The following SPATA18 variants were observed in gnomAD, a reference collection of about 807,000 sequenced individuals.
SPATA18 encodes the protein mitochondria-eating protein.
Under a neutral mutation model 68.1 loss-of-function variants are expected in SPATA18, and 54 were observed. That is an observed-to-expected ratio of 0.79 (90% confidence interval 0.64 to 0.99). SPATA18 has a LOEUF of 0.99. Ranked by LOEUF, SPATA18 falls within the 50% of genes least tolerant of loss-of-function variation. SPATA18 has a pLI of 0.00. For missense variants in SPATA18, 724 were observed against 681.1 expected, an observed-to-expected ratio of 1.06 and a Z score of -0.70; for synonymous variants, 242 against 244.8, an observed-to-expected ratio of 0.99 and a Z score of 0.11.
chr4:52,071,003 A>G (rs541657198), intron 5 of SPATA18, among the ~76,000 whole-genome samples: 2 of 151,654 alleles, frequency 1.3e-5, no homozygotes, highest in African/African-American at 4.8e-5. Flanking sequence ...ACACTGTTCT[A>G]TTTTCTACTT....
In SPATA18 at chr4:52,069,894, GAAAT is replaced by G; in HGVS notation, c.501_504del (p.Asn168SerfsTer2). On this transcript the variant is annotated frameshift_variant, in exon 5 of 13. Transcript: ENST00000295213. LOFTEE classifies it high-confidence loss of function. ...CATATCCCTTTTGGCTGCAGAGGAG[GAAAT>G]AAATCAGCTGAAAAAGCAGTAAGAA... 1.3e-6 allele frequency: 2 copies of G among 1,588,732 alleles called. No individual in the cohort carries two copies. Among genetic ancestry groups the G allele is most frequent in the Non-Finnish European group, 1.7e-6 (2 of 1,164,616 alleles).
At chr4:52,090,910 C>A (rs1470078974) in intron 11 of SPATA18, among the ~76,000 whole-genome samples, 2 of 152,102 alleles carry the variant, frequency 1.3e-5, no homozygotes, top group Non-Finnish European at 2.9e-5. Flanking sequence ...CTCCCCATCA[C>A]TTTCAAGTAC....
chr4:52,081,379 C>G (rs1300087422), intron 9 of SPATA18, among the ~76,000 whole-genome samples: 1 of 152,120 alleles, frequency 6.6e-6, no homozygotes, highest in Non-Finnish European at 1.5e-5. Flanking sequence ...CCTTTTTCAC[C>G]CTGGCAGCCT....
chr4:52,096,554 C>T lies in SPATA18; in HGVS notation c.*1667C>T, dbSNP rs2109557933. Reference sequence around the variant, plus strand: ...TAATATAAAGCAGAAAAAAAGGCAACTTTTAATAAAATAAAATGTATTTCA... The same window carrying T: ...TAATATAAAGCAGAAAAAAAGGCAATTTTTAATAAAATAAAATGTATTTCA... On this transcript the variant is annotated 3_prime_UTR_variant, in exon 13 of 13. Transcript: ENST00000295213. The T allele has an allele frequency of 6.6e-6, 1 of 152,146 alleles. No homozygotes were observed. The highest frequency in any genetic ancestry group is 1.5e-5 in the Non-Finnish European group (1 of 67,980). 9.4% of individuals were successfully genotyped at this position (152,146 alleles called of 1,614,324 possible). A position where few individuals can be genotyped will look rare whatever the true frequency, so the allele number is the denominator to read the frequency against.
chr4:52,066,787 A>G (rs1739354417), intron 4 of SPATA18, among the ~76,000 whole-genome samples: 1 of 152,148 alleles, frequency 6.6e-6, no homozygotes, highest in Non-Finnish European at 1.5e-5. Context: ...AGTTTGCTGA[A>G]GATAATGGCT....
In SPATA18 at chr4:52,094,410, T is replaced by C; in HGVS notation, c.1564-117T>C. On this transcript the variant is annotated intron_variant, in intron 11 of 12. Coordinates refer to ENST00000295213, the MANE Select transcript of SPATA18 (RefSeq NM_145263.4). The stretch of plus-strand genomic sequence containing the variant: ...ACCTTAGGGTGAAAAATCATAGTGC[T>C]AAAGTGCCTCAGAGAAAGCTATTTG... The C allele has an allele frequency of 3.5e-6, 3 of 860,958 alleles. No individual in the cohort carries two copies. The South Asian group carries it at 4.4e-5, about 13-fold the overall frequency. 53.3% of individuals were successfully genotyped at this position (860,958 alleles called of 1,614,324 possible).
In SPATA18 at chr4:52,096,265, A is replaced by G. The variant is rs1395302482; in HGVS notation, c.*1378A>G. ...TGAAGCAATGCAGTGTGCTGGAAGGAGCACTATCTGCCTAGGTAACTGCTA... is the reference window on the plus strand; with the variant it reads ...TGAAGCAATGCAGTGTGCTGGAAGGGGCACTATCTGCCTAGGTAACTGCTA... On this transcript the variant is annotated 3_prime_UTR_variant, in exon 13 of 13. Coordinates refer to ENST00000295213, the MANE Select transcript of SPATA18 (RefSeq NM_145263.4). 6.6e-6 allele frequency: 1 copy of G among 152,060 alleles called. No individual in the cohort carries two copies. Among genetic ancestry groups the G allele is most frequent in the Non-Finnish European group, 1.5e-5 (1 of 68,020 alleles). 9.4% of individuals were successfully genotyped at this position (152,060 alleles called of 1,614,324 possible).
Position 52,095,878 on chromosome 4 carries a change from C to A in SPATA18, c.*991C>A, listed in dbSNP as rs538906586. On this transcript the variant is annotated 3_prime_UTR_variant, in exon 13 of 13. Coordinates refer to ENST00000295213, the MANE Select transcript of SPATA18 (RefSeq NM_145263.4). The stretch of plus-strand genomic sequence containing the variant: ...TCACTGTCAAATACTTTTGAAACTT[C>A]ACGTTCAAGATAAGAATGGAATGTT... 1 of 152,286 alleles carries A rather than the reference C, an allele frequency of 6.6e-6. No individual in the cohort carries two copies. The highest frequency in any genetic ancestry group is 6.5e-5 in the Admixed American group (1 of 15,280). 9.4% of individuals were successfully genotyped at this position (152,286 alleles called of 1,614,324 possible).
intron 2 of SPATA18, 29 bp downstream of exon 2, chr4:52,060,553 G>C: frequency 6.3e-7 from 1 of 1,593,730 alleles, no homozygotes; most frequent in Non-Finnish European, 8.6e-7. Flanking sequence ...TTCCCATCCA[G>C]TTCTGCTTGC....
rs1432869402 is a variant in SPATA18 at position 52,060,887 on chromosome 4, CCT to C, written c.304_305del (p.Leu102AlafsTer5). On this transcript the variant is annotated frameshift_variant, in exon 3 of 13. Transcript: ENST00000295213. LOFTEE classifies it high-confidence loss of function. ...GGAAAATCTGTTGACAGCAAGGTCC[CCT>C]CTCTGCAGGTAGGGATGCTGAAGGA... 6.2e-7 allele frequency: 1 copy of C among 1,613,602 alleles called. No homozygotes were observed. The highest frequency in any genetic ancestry group is 8.5e-7 in the Non-Finnish European group (1 of 1,179,670).
Position 52,060,500 on chromosome 4 carries a change from A to T in SPATA18, c.169A>T (p.Ile57Phe), listed in dbSNP as rs146015590. The T allele has an allele frequency of 7.3e-3, 11,850 of 1,613,932 alleles. 56 individuals are homozygous for T. The highest frequency in any genetic ancestry group is 9.1e-3 in the Non-Finnish European group (10,791 of 1,179,902). ...CAAGGTGCAGGGACAACTCTTTGGG[A>T]TCCTCACAGCAGCAGCCCAAGAAGG... ...VAKVQGQLFG[I>F]LTAAAQEGGR... is the part of the protein sequence containing the mutation. Residue 57 changes from isoleucine (I) to phenylalanine (F), a missense_variant, in exon 2 of 13, where the codon ATC (isoleucine) becomes TTC (phenylalanine). Coordinates refer to ENST00000295213, the MANE Select transcript of SPATA18 (RefSeq NM_145263.4).
intron 9 of SPATA18, 80 bp downstream of exon 9, chr4:52,079,999 A>G (rs1192676092): frequency 6.9e-7 from 1 of 1,446,684 alleles, no homozygotes; most frequent in Non-Finnish European, 9.3e-7. Context: ...AATTTAAGGA[A>G]AAGAACTCTG....
At chr4:52,083,124 A>C in intron 10 of SPATA18, 1 of 985,416 alleles carries the variant, frequency 1.0e-6, no homozygotes, top group Non-Finnish European at 1.2e-6. Flanking sequence ...ACCGTATGTG[A>C]GCATGTGGGT....
At chr4:52,060,953 A>G (rs907287345) in intron 3 of SPATA18, 56 bp downstream of exon 3, 17 of 1,376,674 alleles carry the variant, frequency 1.2e-5, no homozygotes, top group Non-Finnish European at 1.2e-5. Flanking sequence ...AAAACGAATC[A>G]GAAACCTCCA....
At chr4:52,084,231 C>A (rs531597812) in intron 10 of SPATA18, among the ~76,000 whole-genome samples, 191 of 152,224 alleles carry the variant, frequency 1.3e-3, no homozygotes, top group Non-Finnish European at 2.1e-3. Flanking sequence ...ATTATTCTTA[C>A]GTTTTACATC....
chr4:52,054,513 G>A (rs527731251), intron 1 of SPATA18, among the ~76,000 whole-genome samples: 1 of 152,152 alleles, frequency 6.6e-6, no homozygotes, highest in South Asian at 2.1e-4. Flanking sequence ...TAATATTCAC[G>A]AAGGGGGAAC....
chr4:52,079,893 A>T lies in SPATA18; in HGVS notation c.1329A>T (p.Ala443=), dbSNP rs142151179. The part of the protein sequence containing the change: ...LEPPLDIAYG[A]DGEVFNDCKY... ...CACCCCTAGATATTGCATATGGAGC[A>T]GATGGAGAAGTTTTTAATGATTGCA... Residue 443 remains alanine (A), a synonymous_variant, in exon 9 of 13, where the codon GCA becomes GCT. Transcript: ENST00000295213. 3.7e-6 allele frequency: 6 copies of T among 1,613,008 alleles called. No homozygotes were observed. The African/African-American group carries it at 8.0e-5, about 22-fold the overall frequency.
intron 3 of SPATA18, 28 bp from the exon 4 acceptor site, chr4:52,062,192 T>G (rs754057149): frequency 4.6e-6 from 6 of 1,303,892 alleles, no homozygotes; most frequent in East Asian, 4.7e-5. Context: ...GACTGTTTTT[T>G]TTTTTTTTTT....
intron 7 of SPATA18, 42 bp downstream of exon 7, chr4:52,077,082 G>C: frequency 1.3e-6 from 2 of 1,544,728 alleles, no homozygotes; most frequent in Non-Finnish European, 1.7e-6. Flanking sequence ...TAGGGCAGCC[G>C]GGAGACAAGT....
Sources: gnomAD v4.1 joint callset for allele counts (sites outside exome capture counted in the v4.1 genomes callset) on GRCh38, gnomAD v4.1.1 for gene constraint, MANE v1.5 for transcripts, NCBI Gene and HGNC (gene_info 2026-07-23, HGNC 2026-07-21) for gene names.